Variants in TLL2 observed in about 807,000 individuals in gnomAD.
TLL2 encodes the protein tolloid like 2.
TLL2 carries 106 observed loss-of-function variants against 123.0 expected under a neutral mutation model. The ratio of observed to expected loss-of-function variants is 0.86; its 90% CI spans 0.74 to 1.01. The LOEUF (loss-of-function observed/expected upper bound fraction) is 1.01. Ranked by LOEUF, TLL2 falls within the 50% of genes least tolerant of loss-of-function variation. The pLI is 0.00. For synonymous variants in TLL2, 494 were observed against 516.8 expected, an observed-to-expected ratio of 0.96 and a Z score of 0.60; for missense variants, 1,332 against 1,336.7, an observed-to-expected ratio of 1.00 and a Z score of 0.06.
intron 2 of TLL2, among the ~76,000 whole-genome samples, chr10:96,479,017 A>G (rs1174283742): frequency 6.6e-6 from 1 of 152,210 alleles, no homozygotes; most frequent in Non-Finnish European, 1.5e-5. Flanking sequence ...CCAGGCCTCC[A>G]GGTAAGAGCT....
chr10:96,463,398 G>A (rs945342407), intron 2 of TLL2, among the ~76,000 whole-genome samples: 1 of 152,194 alleles, frequency 6.6e-6, no homozygotes, highest in Non-Finnish European at 1.5e-5. Context: ...AGGTAGTCAG[G>A]TATCGGGAAG....
At chr10:96,395,476 T>C (rs1277359056) in intron 12 of TLL2, 94 bp from the exon 13 acceptor site, 1 of 1,337,416 alleles carries the variant, frequency 7.5e-7, no homozygotes, top group East Asian at 2.4e-5. Context: ...TCTCAAAATC[T>C]AACCAAGAGG....
Position 96,413,208 on chromosome 10 carries a change from C to G in TLL2, c.1032G>C (p.Lys344Asn). The G allele has an allele frequency of 6.2e-7, 1 of 1,614,160 alleles. No individual in the cohort carries two copies. Among genetic ancestry groups the G allele is most frequent in the East Asian group, 2.2e-5 (1 of 44,888 alleles). The change falls in exon 8 of 21, where the codon AAG becomes AAC. Residue 344 changes from lysine (K) to asparagine (N), a missense_variant. By Grantham distance (94) the Lys-to-Asn change is moderately conservative (BLOSUM62 0). Transcript: ENST00000357947. The part of the protein sequence containing the change: ...LSQGDIAQAR[K>N]LYKCPACGET... ...CATAGTTACCTGGGCATTTGTACAGCTTCCGGGCTTGAGCTATGTCTCCCT... is the reference window on the plus strand; with the variant it reads ...CATAGTTACCTGGGCATTTGTACAGGTTCCGGGCTTGAGCTATGTCTCCCT...
intron 5 of TLL2, 88 bp downstream of exon 5, chr10:96,428,543 T>C (rs1846701249): frequency 1.2e-6 from 1 of 852,356 alleles, no homozygotes; most frequent in Non-Finnish European, 1.9e-6. Flanking sequence ...AACAGCTCAT[T>C]GGAAATACTT....
chr10:96,505,112 A>G (rs1358542230), intron 1 of TLL2, among the ~76,000 whole-genome samples: 1 of 152,284 alleles, frequency 6.6e-6, no homozygotes, highest in South Asian at 2.1e-4. Context: ...GCAGTTCTGC[A>G]TGGAGTCTGA....
chr10:96,374,944 A>G (rs1282341728), intron 18 of TLL2, among the ~76,000 whole-genome samples: 2 of 103,252 alleles, frequency 1.9e-5, no homozygotes, highest in Non-Finnish European at 3.5e-5. Context: ...CAGAGCAGGG[A>G]GACAGGACAT....
At position 96,405,349 on chromosome 10, in the gene TLL2, C is replaced by T. The variant is rs752026817; in HGVS notation, c.1165-15G>A. On this transcript the variant is annotated splice_polypyrimidine_tract_variant and intron_variant, in intron 9 of 20. Coordinates refer to ENST00000357947, the MANE Select transcript of TLL2 (RefSeq NM_012465.4). ...TTTAATACGATCTGTAAAGAATTAC[C>T]ATAAAGTGAGTTTTGGCAGCAAAGC... is the stretch of plus-strand genomic sequence containing the variant. 20 of 1,613,208 alleles carry T rather than the reference C, an allele frequency of 1.2e-5. No individual in the cohort carries two copies. The highest frequency in any genetic ancestry group is 1.6e-5 in the Non-Finnish European group (19 of 1,179,304).
At chr10:96,424,887 CTT>C (rs1400666277) in intron 5 of TLL2, among the ~76,000 whole-genome samples, 3 of 151,912 alleles carry the variant, frequency 2.0e-5, no homozygotes, top group African/African-American at 7.2e-5. Context: ...AAAATCTACT[CTT>C]GTTTCCTTCC....
chr10:96,377,042 A>T (rs1303444435), intron 17 of TLL2, among the ~76,000 whole-genome samples: 2 of 152,102 alleles, frequency 1.3e-5, no homozygotes, highest in African/African-American at 4.8e-5. Context: ...GGGCCAGGCT[A>T]TCTTTCTATT....
rs151146781 is a variant in TLL2, at chr10:96,380,745, C to T, written c.2195-1653G>A. ...AAAAGAATGCAGAAGAGAGGCCAGG[C>T]GTGGTGGCTCATGTCTGTAATCCCA... is the stretch of plus-strand genomic sequence containing the variant. On this transcript the variant is annotated intron_variant, in intron 16 of 20. Coordinates refer to ENST00000357947, the MANE Select transcript of TLL2 (RefSeq NM_012465.4). Among the ~76,000 whole-genome samples, 120 of 143,692 alleles carry T rather than the reference C, an allele frequency of 8.4e-4. No homozygotes were observed. The East Asian group carries it at 0.018, about 22-fold the overall frequency. 94.3% of individuals were successfully genotyped at this position (143,692 alleles called of 152,430 possible). A position where few individuals can be genotyped will look rare whatever the true frequency, so the allele number is the denominator to read the frequency against.
At chr10:96,476,240 A>ATATATATATATATATATTT in intron 2 of TLL2, among the ~76,000 whole-genome samples, 2 of 20,496 alleles carry the variant, frequency 9.8e-5, no homozygotes, top group Non-Finnish European at 2.0e-4. Flanking sequence ...ATATATATAT[A>ATATATATATATATATATTT]TTTTATTTTT....
rs995901420 is a variant in TLL2, at chr10:96,365,263, G to C, written c.*2825C>G. ...AATAAAAAGGAAACTTCACCTTACA[G>C]GTAAATACCTCTAAATATTTACCTT... On this transcript the variant is annotated 3_prime_UTR_variant, in exon 21 of 21. Coordinates refer to ENST00000357947, the MANE Select transcript of TLL2 (RefSeq NM_012465.4). The C allele has an allele frequency of 6.6e-6, 1 of 152,218 alleles. No homozygotes were observed. The highest frequency in any genetic ancestry group is 2.4e-5 in the African/African-American group (1 of 41,446). The allele number at this position is 152,218 out of a possible 1,614,324, so 9.4% of individuals were successfully genotyped here. A position where few individuals can be genotyped will look rare whatever the true frequency, so the allele number is the denominator to read the frequency against.
chr10:96,472,772 A>G (rs560236756), intron 2 of TLL2, among the ~76,000 whole-genome samples: 3 of 152,182 alleles, frequency 2.0e-5, no homozygotes, highest in Admixed American at 2.0e-4. Context: ...AAAAAGAAAA[A>G]AAAGCTTCAA....
chr10:96,479,019 G>A (rs948816898), intron 2 of TLL2, among the ~76,000 whole-genome samples: 3 of 152,170 alleles, frequency 2.0e-5, no homozygotes, highest in African/African-American at 7.2e-5. Context: ...AGGCCTCCAG[G>A]TAAGAGCTGG....
intron 2 of TLL2, among the ~76,000 whole-genome samples, chr10:96,462,354 C>T (rs1847088762): frequency 6.6e-6 from 1 of 152,172 alleles, no homozygotes; most frequent in Non-Finnish European, 1.5e-5. Flanking sequence ...TTTTGTCCTG[C>T]AGAAATAAGA....
At chr10:96,488,584 T>C (rs1847379703) in intron 1 of TLL2, among the ~76,000 whole-genome samples, 1 of 152,170 alleles carries the variant, frequency 6.6e-6, no homozygotes, top group Non-Finnish European at 1.5e-5. Flanking sequence ...ACACAGCCCA[T>C]AGCATGAGTC....
At chr10:96,483,475 G>A (rs183297935) in intron 1 of TLL2, among the ~76,000 whole-genome samples, 125 of 152,330 alleles carry the variant, frequency 8.2e-4, no homozygotes, top group Middle Eastern at 3.4e-3. Context: ...CCAAATGGAA[G>A]TGTTTGTTAT....
At chr10:96,494,823 C>T (rs1318855789) in intron 1 of TLL2, among the ~76,000 whole-genome samples, 1 of 152,184 alleles carries the variant, frequency 6.6e-6, no homozygotes, top group African/African-American at 2.4e-5. Context: ...CCACTTACAT[C>T]AGAAGTGTCA....
At chr10:96,443,610 G>A (rs150176655) in intron 3 of TLL2, among the ~76,000 whole-genome samples, 4 of 152,328 alleles carry the variant, frequency 2.6e-5, no homozygotes, top group African/African-American at 9.6e-5. Flanking sequence ...ATTGTTTGAA[G>A]TCACTAAGTT....
Sources: allele counts gnomAD v4.1 joint callset (sites outside exome capture counted in the v4.1 genomes callset), GRCh38; gene constraint gnomAD v4.1.1; transcripts MANE v1.5; gene names NCBI Gene and HGNC (gene_info 2026-07-23, HGNC 2026-07-21).